The following NCK2 variants were observed in gnomAD, a reference collection of about 807,000 sequenced individuals.
NCK2 encodes cytoplasmic protein NCK2.
NCK2 carries 16 observed loss-of-function variants against 33.9 expected under a neutral mutation model. That is an observed-to-expected ratio of 0.47 (90% CI 0.32 to 0.72). The LOEUF is 0.72. NCK2 is among the 30% of genes least tolerant of loss of function. The pLI is 0.03. For missense variants in NCK2, 418 were observed against 537.3 expected (o/e 0.78, Z 2.19); for synonymous variants, 273 against 239.9 (o/e 1.14, Z -1.27).
intron 1 of NCK2, among the ~76,000 whole-genome samples, chr2:105,776,876 G>C (rs1690321644): frequency 6.6e-6 from 1 of 151,538 alleles, no homozygotes; most frequent in Non-Finnish European, 1.5e-5. Context: ...CTCTGGCCTT[G>C]GGGTTCTTCC....
chr2:105,752,650 C>T (rs1689486927), intron 1 of NCK2, among the ~76,000 whole-genome samples: 1 of 152,144 alleles, frequency 6.6e-6, no homozygotes, highest in Non-Finnish European at 1.5e-5. Flanking sequence ...AAATAACATA[C>T]ATTGTACCCA....
At chr2:105,885,270 A>G (rs1355404477) in intron 4 of NCK2, among the ~76,000 whole-genome samples, 2 of 152,218 alleles carry the variant, frequency 1.3e-5, no homozygotes, top group East Asian at 3.8e-4. Context: ...GTCCTGCAAT[A>G]GTATTAGATA....
intron 3 of NCK2, among the ~76,000 whole-genome samples, chr2:105,864,155 G>T (rs1201345251): frequency 6.6e-6 from 1 of 152,078 alleles, no homozygotes; most frequent in South Asian, 2.1e-4. Flanking sequence ...AGAACCCTCG[G>T]AGGTTTCCAC....
intron 1 of NCK2, among the ~76,000 whole-genome samples, chr2:105,800,262 G>A (rs532822768): frequency 3.2e-4 from 48 of 152,330 alleles, no homozygotes; most frequent in Non-Finnish European, 5.1e-4. Flanking sequence ...TGCACACCTT[G>A]TTCTCTGTCC....
At chr2:105,749,922 C>T (rs1202621548) in intron 1 of NCK2, among the ~76,000 whole-genome samples, 3 of 151,896 alleles carry the variant, frequency 2.0e-5, no homozygotes. Context: ...CCCAGCTACT[C>T]GGGAGGCTGA....
intron 4 of NCK2, 116 bp from the exon 5 acceptor site, chr2:105,892,866 A>T: frequency 2.7e-6 from 2 of 733,098 alleles, no homozygotes; most frequent in Non-Finnish European, 4.3e-6. Context: ...AAAAAAGCAG[A>T]GACCCAGTGT....
rs1657556664 is a variant in NCK2 at position 105,801,874 on chromosome 2, GA to G, written c.-200-14553del. 2.6e-5 allele frequency among the ~76,000 whole-genome samples: 4 copies of G among 152,272 alleles called. No individual in the cohort carries two copies. In the South Asian group the frequency reaches 8.3e-4, roughly 32 times the overall value. ...TCTAGAGTTAGTCGTCTTGCTGAGA[GA>G]AAGTGATGGAGCTGGCATTGCATTC... On this transcript the variant is annotated intron_variant, in intron 1 of 4. Transcript: ENST00000233154.
At chr2:105,853,586 C>T (rs189879454) in intron 2 of NCK2, among the ~76,000 whole-genome samples, 95 of 152,262 alleles carry the variant, frequency 6.2e-4, no homozygotes, top group African/African-American at 2.1e-3. Flanking sequence ...TTACTGTCTC[C>T]ATAGATTTGT....
chr2:105,806,624 C>A (rs954676025), intron 1 of NCK2, among the ~76,000 whole-genome samples: 2 of 152,058 alleles, frequency 1.3e-5, no homozygotes, highest in Non-Finnish European at 2.9e-5. Flanking sequence ...TTTAAATTTC[C>A]TTTTTATTCC....
At position 105,836,035 on chromosome 2, in the gene NCK2, G is replaced by T. The variant is rs181587327; in HGVS notation, c.-16-19013G>T. Among the ~76,000 whole-genome samples, 395 of 147,832 alleles carry T rather than the reference G, an allele frequency of 2.7e-3. 7 individuals are homozygous for T. Among genetic ancestry groups the T allele is most frequent in the African/African-American group, 9.6e-3 (375 of 38,872 alleles). ...CATGAATTGTTTTTCTGATTTCGTT[G>T]AATTTTCCATGTTCCCATGTATCTC... On this transcript the variant is annotated intron_variant, in intron 2 of 4. Coordinates refer to ENST00000233154, the MANE Select transcript of NCK2 (RefSeq NM_003581.5).
At chr2:105,791,269 G>A (rs986950361) in intron 1 of NCK2, among the ~76,000 whole-genome samples, 1 of 152,220 alleles carries the variant, frequency 6.6e-6, no homozygotes, top group Non-Finnish European at 1.5e-5. Flanking sequence ...ACCTGAGGCA[G>A]TGATGTAAAT....
At chr2:105,753,800 CTT>C (rs1372636684) in intron 1 of NCK2, among the ~76,000 whole-genome samples, 1 of 152,210 alleles carries the variant, frequency 6.6e-6, no homozygotes, top group Non-Finnish European at 1.5e-5. Context: ...ATACCAAATC[CTT>C]TTCCTTTGTG....
At chr2:105,756,231 T>C (rs1689595959) in intron 1 of NCK2, among the ~76,000 whole-genome samples, 1 of 152,238 alleles carries the variant, frequency 6.6e-6, no homozygotes, top group Non-Finnish European at 1.5e-5. Context: ...CTTTTGACTT[T>C]GTTGTTTCTT....
intron 3 of NCK2, among the ~76,000 whole-genome samples, chr2:105,858,379 T>C (rs1178286420): frequency 6.6e-6 from 1 of 152,106 alleles, no homozygotes; most frequent in South Asian, 2.1e-4. Context: ...GCCTCCCGAG[T>C]ATCTGGGACT....
chr2:105,826,275 A>G (rs1487001811), intron 2 of NCK2, among the ~76,000 whole-genome samples: 1 of 152,078 alleles, frequency 6.6e-6, no homozygotes, highest in Non-Finnish European at 1.5e-5. Context: ...TATCACCAAG[A>G]CAGCATGGGG....
chr2:105,881,796 C>T lies in NCK2; in HGVS notation c.695C>T (p.Pro232Leu). 1.2e-6 allele frequency: 2 copies of T among 1,612,668 alleles called. No individual in the cohort carries two copies. The highest frequency in any genetic ancestry group is 1.7e-6 in the Non-Finnish European group (2 of 1,179,344). Residue 232 changes from proline to leucine, a missense_variant, in exon 4 of 5, where the codon CCC (proline) becomes CTC (leucine). Pro to Leu is a moderately conservative substitution (Grantham distance 98). Transcript: ENST00000233154. ...GTGATTGAGAAGCCGGAGAACGACC[C>T]CGAGTGGTGGAAATGCAAAAATGCC... is the stretch of plus-strand genomic sequence containing the variant. ...MEVIEKPEND[P>L]EWWKCKNARG...
intron 2 of NCK2, among the ~76,000 whole-genome samples, chr2:105,830,678 T>G (rs1326023817): frequency 8.3e-6 from 1 of 120,612 alleles, no homozygotes; most frequent in Non-Finnish European, 1.8e-5. Flanking sequence ...TTGGTGTGTG[T>G]GTGTGTGTGT....
At chr2:105,746,603 T>A (rs1338919718) in intron 1 of NCK2, among the ~76,000 whole-genome samples, 1 of 152,224 alleles carries the variant, frequency 6.6e-6, no homozygotes, top group Non-Finnish European at 1.5e-5. Flanking sequence ...TTGCGAGTTT[T>A]ACGTAAAGAG....
intron 3 of NCK2, among the ~76,000 whole-genome samples, chr2:105,876,190 A>G (rs76977368): frequency 0.057 from 8,709 of 152,304 alleles, 265 homozygotes; most frequent in South Asian, 0.084. Context: ...TCCAACCAAA[A>G]TGCTCAAAAC....
Sources: allele counts gnomAD v4.1 joint callset (sites outside exome capture counted in the v4.1 genomes callset), GRCh38; gene constraint gnomAD v4.1.1; transcripts MANE v1.5; gene names NCBI Gene and HGNC (gene_info 2026-07-23, HGNC 2026-07-21).